FRAS1: variants seen among roughly 807,000 people sequenced by gnomAD.
FRAS1 encodes the protein Fraser extracellular matrix complex subunit 1.
In FRAS1, 290 loss-of-function variants were observed where a neutral mutation model predicts 435.2. The observed-to-expected ratio is 0.67, with a 90% CI of 0.61 to 0.73. FRAS1 has a LOEUF of 0.73. Ranked by LOEUF, FRAS1 falls within the 30% of genes least tolerant of loss-of-function variation. The probability of loss-of-function intolerance (pLI) is 0.00; values close to 1 mark genes in which losing one functional copy is unlikely to be tolerated. For synonymous variants in FRAS1, 1,800 were observed against 1,851.0 expected, an observed-to-expected ratio of 0.97 and a Z score of 0.71; for missense variants, 4,860 against 5,001.5, an observed-to-expected ratio of 0.97 and a Z score of 0.85.
intron 6 of FRAS1, among the ~76,000 whole-genome samples, chr4:78,258,812 C>T (rs1260509405): frequency 5.9e-5 from 8 of 136,222 alleles, no homozygotes; most frequent in Non-Finnish European, 7.9e-5. Flanking sequence ...CCCACTAACT[C>T]GTCATCTAGC....
intron 47 of FRAS1, among the ~76,000 whole-genome samples, chr4:78,460,330 A>G (rs987169332): frequency 1.3e-5 from 2 of 152,224 alleles, no homozygotes; most frequent in African/African-American, 4.8e-5. Flanking sequence ...TAATACTGCC[A>G]GATACATAGT....
At chr4:78,511,070 C>A (rs901429409) in intron 63 of FRAS1, among the ~76,000 whole-genome samples, 5 of 152,152 alleles carry the variant, frequency 3.3e-5, no homozygotes, top group African/African-American at 1.2e-4. Flanking sequence ...TATCTTACCC[C>A]CTTAGGCTAT....
Position 78,507,582 on chromosome 4 carries a change from A to C in FRAS1, c.9478A>C (p.Ser3160Arg), listed in dbSNP as rs763114326. ...AATTCTAGACCAGGAGGCAGCAGGGAGCCTCATATTGCCAGCACCACCCAT... is the reference window on the plus strand; with the variant it reads ...AATTCTAGACCAGGAGGCAGCAGGGCGCCTCATATTGCCAGCACCACCCAT... The part of the protein sequence containing the change: ...VTILDQEAAG[S>R]LILPAPPIVV... Residue 3160 changes from serine to arginine, a missense_variant, in exon 62 of 74, where the codon AGC becomes CGC. Ser to Arg is a moderately radical substitution (Grantham distance 110). Coordinates refer to ENST00000512123, the MANE Select transcript of FRAS1 (RefSeq NM_025074.7). The C allele has an allele frequency of 6.2e-7, 1 of 1,603,078 alleles. No individual in the cohort carries two copies. Among genetic ancestry groups the C allele is most frequent in the Non-Finnish European group, 8.5e-7 (1 of 1,176,290 alleles).
intron 13 of FRAS1, 44 bp from the exon 14 acceptor site, chr4:78,286,361 A>G: frequency 6.2e-7 from 1 of 1,610,998 alleles, no homozygotes; most frequent in South Asian, 1.1e-5. Context: ...CTTTCAGCTA[A>G]TCAAATGGTT....
At position 78,263,019 on chromosome 4, in the gene FRAS1, C is replaced by T. The variant is rs541526585; in HGVS notation, c.604-2006C>T. On this transcript the variant is annotated intron_variant, in intron 6 of 73. Coordinates refer to ENST00000512123, the MANE Select transcript of FRAS1 (RefSeq NM_025074.7). ...TTTATTTACAAAAACAGGCAGTGGG[C>T]TGGATTTAGCCCACAGACCATTGTT... 7.9e-5 allele frequency among the ~76,000 whole-genome samples: 12 copies of T among 152,300 alleles called. No individual in the cohort carries two copies. In the South Asian group the frequency reaches 1.2e-3, roughly 16 times the overall value.
In FRAS1 at chr4:78,276,194, G is replaced by C. The variant is rs200483229; in HGVS notation, c.982-2461G>C. ...GTCATTTAAGGACTTCTCTACACTG[G>C]TTGTTCTGGTTAGCCATTTGTCTAA... On this transcript the variant is annotated intron_variant, in intron 9 of 73. Transcript: ENST00000512123. 6.6e-5 allele frequency among the ~76,000 whole-genome samples: 10 copies of C among 152,200 alleles called. No individual in the cohort carries two copies. The East Asian group carries it at 1.9e-3, about 29-fold the overall frequency.
At chr4:78,130,406 A>T (rs531857022) in intron 2 of FRAS1, among the ~76,000 whole-genome samples, 1 of 152,298 alleles carries the variant, frequency 6.6e-6, no homozygotes, top group East Asian at 1.9e-4. Flanking sequence ...AATAGTACTG[A>T]TCACAAAGTC....
chr4:78,312,859 A>AGAGAG (rs1553943110), intron 15 of FRAS1, among the ~76,000 whole-genome samples: 3,013 of 121,480 alleles, frequency 0.025, 124 homozygotes, highest in African/African-American at 0.091. Flanking sequence ...GAAAGAAAGA[A>AGAGAG]AGAGAGAGAG....
chr4:78,361,018 T>A (rs1203188246), intron 20 of FRAS1, among the ~76,000 whole-genome samples: 2 of 152,346 alleles, frequency 1.3e-5, no homozygotes, highest in African/African-American at 4.8e-5. Flanking sequence ...TTCAGAAAGC[T>A]CTGAAAGAAG....
intron 2 of FRAS1, among the ~76,000 whole-genome samples, chr4:78,229,597 C>T (rs769579410): frequency 6.6e-6 from 1 of 152,034 alleles, no homozygotes; most frequent in Non-Finnish European, 1.5e-5. Context: ...CCTAGTGTGT[C>T]CTGCCTGGGT....
rs905997131 is a variant in FRAS1, at chr4:78,432,082, A to G, written c.4970-275A>G. Among the ~76,000 whole-genome samples, 8 of 152,202 alleles carry G rather than the reference A, an allele frequency of 5.3e-5. No homozygotes were observed. The East Asian group carries it at 1.2e-3, about 22-fold the overall frequency. ...TAGAGGCAGATTTTAGCTCAATATGATTAAGAACTTAAAAACAAACCTAGA... is the reference window on the plus strand; with the variant it reads ...TAGAGGCAGATTTTAGCTCAATATGGTTAAGAACTTAAAAACAAACCTAGA... On this transcript the variant is annotated intron_variant, in intron 37 of 73. Coordinates refer to ENST00000512123, the MANE Select transcript of FRAS1 (RefSeq NM_025074.7).
chr4:78,112,811 T>C (rs1345547636), intron 2 of FRAS1, among the ~76,000 whole-genome samples: 1 of 149,102 alleles, frequency 6.7e-6, no homozygotes, highest in Admixed American at 6.7e-5. Flanking sequence ...AATTTTTACT[T>C]TATTATTTAT....
intron 2 of FRAS1, among the ~76,000 whole-genome samples, chr4:78,078,083 A>AT (rs1306083030): frequency 3.3e-5 from 5 of 152,076 alleles, no homozygotes; most frequent in African/African-American, 7.2e-5. Flanking sequence ...TTGGCTAGCT[A>AT]TTTTTTTAAC....
chr4:78,409,902 T>C (rs1733266908), intron 31 of FRAS1, among the ~76,000 whole-genome samples: 1 of 152,184 alleles, frequency 6.6e-6, no homozygotes, highest in South Asian at 2.1e-4. Context: ...GCCTGACTAA[T>C]TTATATTGTG....
At position 78,540,955 on chromosome 4, in the gene FRAS1, G is replaced by A; in HGVS notation, c.11870G>A (p.Arg3957Lys). 1.2e-6 allele frequency: 2 copies of A among 1,613,944 alleles called. No individual in the cohort carries two copies. Among genetic ancestry groups the A allele is most frequent in the South Asian group, 1.1e-5 (1 of 91,076 alleles). The change falls in exon 74 of 74, where the codon AGG becomes AAG. Residue 3957 changes from arginine to lysine, a missense_variant. Arg to Lys is a conservative substitution (Grantham distance 26). Coordinates refer to ENST00000512123, the MANE Select transcript of FRAS1 (RefSeq NM_025074.7). Reference sequence around the variant, plus strand: ...AATACCAAGGTAGAAGTGCCCAAGAGGCACCCGGACCGGGTGGAGAAGAAC... The same window carrying A: ...AATACCAAGGTAGAAGTGCCCAAGAAGCACCCGGACCGGGTGGAGAAGAAC... ...PLNTKVEVPK[R>K]HPDRVEKNVN...
chr4:78,150,023 A>G (rs114228059), intron 2 of FRAS1, among the ~76,000 whole-genome samples: 151 of 152,328 alleles, frequency 9.9e-4, no homozygotes, highest in African/African-American at 3.5e-3. Flanking sequence ...TAGATTGGAC[A>G]TAATGAAGCA....
chr4:78,327,787 C>T (rs750032130), intron 18 of FRAS1, among the ~76,000 whole-genome samples: 1 of 152,202 alleles, frequency 6.6e-6, no homozygotes, highest in Non-Finnish European at 1.5e-5. Context: ...ATGAAATCAG[C>T]TTCCACAGAA....
At chr4:78,273,901 C>T (rs3985100) in intron 9 of FRAS1, among the ~76,000 whole-genome samples, 1 of 152,166 alleles carries the variant, frequency 6.6e-6, no homozygotes, top group African/African-American at 2.4e-5. Flanking sequence ...ACCAGCTCCT[C>T]CTTGTACCTC....
chr4:78,171,497 C>T (rs1298276144), intron 2 of FRAS1, among the ~76,000 whole-genome samples: 1 of 152,126 alleles, frequency 6.6e-6, no homozygotes, highest in African/African-American at 2.4e-5. Flanking sequence ...TTTCATGCAA[C>T]AAAACATTTT....
Sources: gnomAD v4.1 joint callset for allele counts (sites outside exome capture counted in the v4.1 genomes callset) on GRCh38, gnomAD v4.1.1 for gene constraint, MANE v1.5 for transcripts, NCBI Gene and HGNC (gene_info 2026-07-23, HGNC 2026-07-21) for gene names.